The following TEX15 variants were observed in gnomAD, a reference collection of about 807,000 sequenced individuals.
TEX15 encodes the protein testis-expressed protein 15.
TEX15 carries 171 observed loss-of-function variants against 237.3 expected under a neutral mutation model. That is an observed-to-expected ratio of 0.72 (90% confidence interval 0.64 to 0.82). The LOEUF is 0.82. TEX15 is among the 40% of genes least tolerant of loss of function. The probability of loss-of-function intolerance (pLI) is 0.00; values close to 1 mark genes in which losing one functional copy is unlikely to be tolerated. For synonymous variants in TEX15, 1,338 were observed against 1,269.8 expected, an observed-to-expected ratio of 1.05 and a Z score of -1.14; for missense variants, 3,750 against 3,646.5, an observed-to-expected ratio of 1.03 and a Z score of -0.73.
chr8:30,848,391 A>G lies in TEX15; in HGVS notation c.1776T>C (p.Ile592=), dbSNP rs779959345. 1.2e-6 allele frequency: 2 copies of G among 1,614,076 alleles called. No homozygotes were observed. The highest frequency in any genetic ancestry group is 3.3e-5 in the Admixed American group (2 of 60,000). The stretch of plus-strand genomic sequence containing the variant: ...TAGACGTTTGGCAACCAGTCTGATA[A>G]ATTGTTTTTAAATCAGAAGACTGCG... ...QDSQSSDLKT[I]YQTGCQTSTV... is the part of the protein sequence containing the mutation. Residue 592 remains isoleucine (I), a synonymous_variant, in exon 8 of 11, where the codon ATT becomes ATC. Coordinates refer to ENST00000643185, the MANE Select transcript of TEX15 (RefSeq NM_001350162.2).
chr8:30,860,563 CTTTTTTTTTT>C (rs35815726), intron 5 of TEX15, among the ~76,000 whole-genome samples: 34 of 127,048 alleles, frequency 2.7e-4, no homozygotes, highest in African/African-American at 9.8e-4. Context: ...AGAGAATCTA[CTTTTTTTTTT>C]TTTTTTTTTG....
At chr8:30,906,042 G>T (rs1287896640) in intron 1 of TEX15, among the ~76,000 whole-genome samples, 1 of 137,150 alleles carries the variant, frequency 7.3e-6, no homozygotes, top group African/African-American at 3.6e-5. Context: ...ACAGTATTTA[G>T]TAGATTAATT....
intron 9 of TEX15, among the ~76,000 whole-genome samples, 163 bp downstream of exon 9, chr8:30,839,741 CTG>C (rs1807398713): frequency 6.6e-6 from 1 of 152,284 alleles, no homozygotes. Flanking sequence ...ATTTAAGAAA[CTG>C]TATAATTTCA....
At position 30,842,801 on chromosome 8, in the gene TEX15, G is replaced by T; in HGVS notation, c.7366C>A (p.His2456Asn). Residue 2456 changes from histidine to asparagine, a missense_variant, in exon 8 of 11, where the codon CAC (histidine) becomes AAC (asparagine). His to Asn is a moderately conservative substitution (Grantham distance 68, BLOSUM62 1). Coordinates refer to ENST00000643185, the MANE Select transcript of TEX15 (RefSeq NM_001350162.2). ...IEIVMVSETI[H>N]FLKNSIAKKL... Reference sequence around the variant, plus strand: ...TTTGCTATTGAGTTTTTAAGAAAGTGAATTGTTTCTGAGACCATGACGATT... The same window carrying T: ...TTTGCTATTGAGTTTTTAAGAAAGTTAATTGTTTCTGAGACCATGACGATT... The T allele has an allele frequency of 6.2e-7, 1 of 1,613,280 alleles. No individual in the cohort carries two copies. Among genetic ancestry groups the T allele is most frequent in the South Asian group, 1.1e-5 (1 of 91,008 alleles).
intron 2 of TEX15, among the ~76,000 whole-genome samples, chr8:30,896,138 G>A (rs1373420072): frequency 3.3e-5 from 5 of 152,028 alleles, no homozygotes; most frequent in South Asian, 2.1e-4. Flanking sequence ...GGACAATGAC[G>A]ACCCGTAAAG....
intron 4 of TEX15, among the ~76,000 whole-genome samples, chr8:30,867,941 T>A (rs1808208419): frequency 6.6e-6 from 1 of 152,104 alleles, no homozygotes; most frequent in South Asian, 2.1e-4. Flanking sequence ...CCAATTCTTG[T>A]CTGTCAGGTT....
intron 3 of TEX15, among the ~76,000 whole-genome samples, chr8:30,878,534 C>A (rs963715295): frequency 6.6e-6 from 1 of 152,188 alleles, no homozygotes; most frequent in South Asian, 2.1e-4. Context: ...CAGGCATGCG[C>A]CACCATGCCG....
In TEX15 at chr8:30,845,382, A is replaced by G. The variant is rs1297204063; in HGVS notation, c.4785T>C (p.His1595=). The change falls in exon 8 of 11, where the codon CAT becomes CAC. Residue 1595 remains histidine (H), a synonymous_variant. Coordinates refer to ENST00000643185, the MANE Select transcript of TEX15 (RefSeq NM_001350162.2). The part of the protein sequence containing the change: ...YEKLEKHSAN[H]NVKDATKENS... ...TTTCTTTAGTTGCATCTTTAACATT[A>G]TGATTTGCTGAATGTTTTTCAAGCT... The G allele has an allele frequency of 6.2e-7, 1 of 1,611,438 alleles. No individual in the cohort carries two copies. Among genetic ancestry groups the G allele is most frequent in the South Asian group, 1.1e-5 (1 of 90,894 alleles).
rs780336828 is a variant in TEX15 at position 30,837,378 on chromosome 8, G to T, written c.8906C>A (p.Thr2969Lys). ...TESEDKYMKD[T>K]LNPNTVHTFG... is the part of the protein sequence containing the mutation. ...AGTATGCACAGTATTGGGATTCAAT[G>T]TATCCTTCATGTATTTGTCCTCTGA... The change falls in exon 10 of 11, where the codon ACA (threonine) becomes AAA (lysine). Residue 2969 changes from threonine (T) to lysine (K), a missense_variant. Coordinates refer to ENST00000643185, the MANE Select transcript of TEX15 (RefSeq NM_001350162.2). The T allele has an allele frequency of 6.2e-7, 1 of 1,614,018 alleles. No individual in the cohort carries two copies. The highest frequency in any genetic ancestry group is 8.5e-7 in the Non-Finnish European group (1 of 1,179,910).
intron 5 of TEX15, among the ~76,000 whole-genome samples, chr8:30,865,070 CTG>C (rs1239293035): frequency 6.6e-6 from 1 of 151,844 alleles, no homozygotes; most frequent in African/African-American, 2.4e-5. Context: ...AATATACAAA[CTG>C]TTACTTAGAC....
chr8:30,910,030 C>A (rs1809187320), intron 1 of TEX15, among the ~76,000 whole-genome samples: 1 of 152,060 alleles, frequency 6.6e-6, no homozygotes, highest in Non-Finnish European at 1.5e-5. Flanking sequence ...AGGAACATAG[C>A]AAAAGCAGAC....
chr8:30,889,341 A>T (rs923597449), intron 2 of TEX15, among the ~76,000 whole-genome samples: 1 of 152,288 alleles, frequency 6.6e-6, no homozygotes, highest in Admixed American at 6.5e-5. Context: ...AATCCCAGCT[A>T]ATCGGGAGGC....
Position 30,837,418 on chromosome 8 carries a change from G to A in TEX15, c.8866C>T (p.Pro2956Ser), listed in dbSNP as rs573662726. 2 of 1,614,110 alleles carry A rather than the reference G, an allele frequency of 1.2e-6. No individual in the cohort carries two copies. The highest frequency in any genetic ancestry group is 1.7e-6 in the Non-Finnish European group (2 of 1,180,002). Residue 2956 changes from proline to serine, a missense_variant, in exon 10 of 11, where the codon CCT becomes TCT. Transcript: ENST00000643185. ...IPTLQINKLQ[P>S]TETESEDKYM... ...TTGTCCTCTGACTCAGTTTCTGTAG[G>A]CTGTAGTTTGTTTATCTGCAGAGTA...
chr8:30,875,001 A>G lies in TEX15; in HGVS notation c.238T>C (p.Trp80Arg), dbSNP rs992205169. 38 of 1,393,292 alleles carry G rather than the reference A, an allele frequency of 2.7e-5. No homozygotes were observed. The highest frequency in any genetic ancestry group is 1.1e-4 in the Admixed American group (4 of 35,952). 86.3% of individuals were successfully genotyped at this position (1,393,292 alleles called of 1,614,324 possible). A position where few individuals can be genotyped will look rare whatever the true frequency, so the allele number is the denominator to read the frequency against. ...ACCAGTTTTGTATCCCCAAACTGCC[A>G]TAACGACTGCAGATCACAGTTTACA... ...LDVNCDLQSL[W>R]QFGDTKLVHN... Residue 80 changes from tryptophan to arginine, a missense_variant, in exon 4 of 11, where the codon TGG becomes CGG. Transcript: ENST00000643185.
intron 8 of TEX15, among the ~76,000 whole-genome samples, chr8:30,840,940 C>CA (rs1563230367): frequency 6.6e-6 from 1 of 151,714 alleles, no homozygotes; most frequent in Non-Finnish European, 1.5e-5. Flanking sequence ...TTTTTTGAAA[C>CA]AGAGTCTTAC....
intron 3 of TEX15, among the ~76,000 whole-genome samples, chr8:30,877,357 T>C (rs894432291): frequency 6.6e-6 from 1 of 152,198 alleles, no homozygotes; most frequent in African/African-American, 2.4e-5. Context: ...AGATTGACTA[T>C]ATAGAAGGTT....
chr8:30,836,665 G>T (rs964101679), intron 10 of TEX15, 138 bp downstream of exon 10: 1 of 788,764 alleles, frequency 1.3e-6, no homozygotes. Flanking sequence ...CAATCCATTG[G>T]CAATTCTACA....
chr8:30,835,304 C>T (rs1045777904), intron 10 of TEX15, among the ~76,000 whole-genome samples: 1 of 151,938 alleles, frequency 6.6e-6, no homozygotes, highest in Non-Finnish European at 1.5e-5. Context: ...CAGGGTTTCG[C>T]CATGTTTTGC....
At chr8:30,839,883 A>G (rs1244553540) in intron 9 of TEX15, 23 bp downstream of exon 9, 2 of 1,566,650 alleles carry the variant, frequency 1.3e-6, no homozygotes, top group East Asian at 2.3e-5. Context: ...TTTTTTCCAC[A>G]TAGGGCTGAT....
Sources: allele counts gnomAD v4.1 joint callset (sites outside exome capture counted in the v4.1 genomes callset), GRCh38; gene constraint gnomAD v4.1.1; transcripts MANE v1.5; gene names NCBI Gene and HGNC (gene_info 2026-07-23, HGNC 2026-07-21).